COL6A3: variants seen among roughly 807,000 people sequenced by gnomAD.
COL6A3 encodes the protein collagen alpha-3(VI) chain.
In COL6A3, 137 loss-of-function variants were observed where a neutral mutation model predicts 274.1. The ratio of observed to expected loss-of-function variants is 0.50; its 90% CI spans 0.44 to 0.58. The LOEUF (loss-of-function observed/expected upper bound fraction) is 0.58. Among genes scored for constraint, COL6A3 ranks in the 20% least tolerant of loss-of-function variants. The pLI is 0.00. For synonymous variants in COL6A3, 1,650 were observed against 1,650.6 expected, an observed-to-expected ratio of 1.00 and a Z score of 0.01; for missense variants, 3,950 against 4,124.9, an observed-to-expected ratio of 0.96 and a Z score of 1.16.
chr2:237,336,328 G>A lies in COL6A3; in HGVS notation c.8772C>T (p.Ala2924=), dbSNP rs1559194418. 6.2e-7 allele frequency: 1 copy of A among 1,613,326 alleles called. No homozygotes were observed. Among genetic ancestry groups the A allele is most frequent in the Non-Finnish European group, 8.5e-7 (1 of 1,179,374 alleles). ...PAKPVAAKPV[A]TKMATVRPPV... ...GGGGTCTAACAGTGGCCATCTTTGTGGCCACAGGCTTGGCAGCCACAGGTT... is the reference window on the plus strand; with the variant it reads ...GGGGTCTAACAGTGGCCATCTTTGTAGCCACAGGCTTGGCAGCCACAGGTT... Residue 2924 remains alanine (A), a synonymous_variant, in exon 40 of 44, where the codon GCC becomes GCT. Coordinates refer to ENST00000295550, the MANE Select transcript of COL6A3 (RefSeq NM_004369.4).
chr2:237,378,616 C>T lies in COL6A3; in HGVS notation c.2497+20G>A, dbSNP rs775785172. On this transcript the variant is annotated intron_variant, in intron 6 of 43. Coordinates refer to ENST00000295550, the MANE Select transcript of COL6A3 (RefSeq NM_004369.4). Reference sequence around the variant, plus strand: ...TGTCTGAGGAAGGAGAGGGAGTTCCCGGCAACAGGGGAGGTTTACCTGGCT... The same window carrying T: ...TGTCTGAGGAAGGAGAGGGAGTTCCTGGCAACAGGGGAGGTTTACCTGGCT... The T allele has an allele frequency of 8.1e-6, 13 of 1,612,042 alleles. No homozygotes were observed. The highest frequency in any genetic ancestry group is 4.5e-5 in the East Asian group (2 of 44,902).
chr2:237,375,148 T>C, intron 7 of COL6A3, 128 bp from the exon 8 acceptor site: 1 of 1,382,068 alleles, frequency 7.2e-7, no homozygotes, highest in Non-Finnish European at 1.0e-6. Context: ...GAAAAGGACT[T>C]TGCAGATGTG....
At position 237,332,117 on chromosome 2, in the gene COL6A3, A is replaced by ATATATATATATATATATG. The variant is rs35490728; in HGVS notation, c.9328+1332_9328+1333insCATATATATATATATATA. ...TATATATATATATATATATATATAT[A>ATATATATATATATATATG]TGAAAAGAAAAACAAAACAGCCCAG... On this transcript the variant is annotated intron_variant, in intron 42 of 43. Coordinates refer to ENST00000295550, the MANE Select transcript of COL6A3 (RefSeq NM_004369.4). Among the ~76,000 whole-genome samples, 111 of 64,192 alleles carry ATATATATATATATATATG rather than the reference A, an allele frequency of 1.7e-3. 14 individuals carry two copies. The highest frequency in any genetic ancestry group is 2.3e-3 in the Non-Finnish European group (70 of 31,022). 42.1% of individuals were successfully genotyped at this position (64,192 alleles called of 152,430 possible).
intron 31 of COL6A3, among the ~76,000 whole-genome samples, 159 bp downstream of exon 31, chr2:237,347,648 T>C (rs2077123486): frequency 6.6e-6 from 1 of 152,252 alleles, no homozygotes; most frequent in Non-Finnish European, 1.5e-5. Flanking sequence ...GGTGGCACCC[T>C]GAGGACATTG....
chr2:237,370,234 G>A (rs954019188), intron 9 of COL6A3, among the ~76,000 whole-genome samples: 4 of 147,868 alleles, frequency 2.7e-5, no homozygotes, highest in African/African-American at 7.5e-5. Context: ...TTAAATAACT[G>A]GTTTAATTTT....
At chr2:237,326,336 A>G (rs1376853415) in intron 42 of COL6A3, 1 of 152,246 alleles carries the variant, frequency 6.6e-6, no homozygotes, top group African/African-American at 2.4e-5. Context: ...TAAAACAAAG[A>G]GCTAGCACTG....
intron 4 of COL6A3, among the ~76,000 whole-genome samples, chr2:237,386,771 G>A (rs2078153361): frequency 6.6e-6 from 1 of 152,154 alleles, no homozygotes; most frequent in Non-Finnish European, 1.5e-5. Flanking sequence ...CCTGACCTAG[G>A]TAATGAAATT....
At chr2:237,338,683 G>C (rs1700671832) in intron 39 of COL6A3, among the ~76,000 whole-genome samples, 1 of 152,176 alleles carries the variant, frequency 6.6e-6, no homozygotes, top group African/African-American at 2.4e-5. Flanking sequence ...CATGAGAATT[G>C]CTTGAATCCA....
rs1438910811 is a variant in COL6A3, at chr2:237,369,184, A to C, written c.4286-7T>G. ...GCAGCATCACTCTCAACTGCTGCAG[A>C]TCAAAGAAGAAAAAGGGAAACATTC... On this transcript the variant is annotated splice_polypyrimidine_tract_variant and splice_region_variant and intron_variant, in intron 9 of 43. Transcript: ENST00000295550. 6.2e-7 allele frequency: 1 copy of C among 1,607,904 alleles called. No homozygotes were observed. Among genetic ancestry groups the C allele is most frequent in the Non-Finnish European group, 8.5e-7 (1 of 1,179,990 alleles).
At chr2:237,373,226 G>A (rs1031411496) in intron 8 of COL6A3, among the ~76,000 whole-genome samples, 4 of 152,156 alleles carry the variant, frequency 2.6e-5, no homozygotes, top group South Asian at 2.1e-4. Flanking sequence ...AGCTGCACCC[G>A]CACTGTGACA....
intron 40 of COL6A3, among the ~76,000 whole-genome samples, chr2:237,335,494 A>C (rs1438897245): frequency 6.6e-6 from 1 of 152,184 alleles, no homozygotes; most frequent in African/African-American, 2.4e-5. Context: ...GGTTTTTGCC[A>C]TTGCTTTCAA....
At chr2:237,377,434 G>A in intron 6 of COL6A3, 90 bp from the exon 7 acceptor site, 1 of 1,323,846 alleles carries the variant, frequency 7.6e-7, no homozygotes, top group South Asian at 1.2e-5. Flanking sequence ...GACAACAGGA[G>A]TTGGTGAAAC....
rs1435220727 is a variant in COL6A3 at position 237,344,181 on chromosome 2, C to T, written c.7668+169G>A. The T allele has an allele frequency of 2.8e-5, 27 of 974,140 alleles. No homozygotes were observed. Among genetic ancestry groups the T allele is most frequent in the East Asian group, 7.1e-5 (3 of 41,998 alleles). 60.3% of individuals were successfully genotyped at this position (974,140 alleles called of 1,614,324 possible). The stretch of plus-strand genomic sequence containing the variant: ...AGGCGTCCCTGTAGTGCTGGAGCCA[C>T]GAGGTTGTCCTGGAGACCTCACAAG... On this transcript the variant is annotated intron_variant, in intron 36 of 43. Coordinates refer to ENST00000295550, the MANE Select transcript of COL6A3 (RefSeq NM_004369.4). This position sits in a 1 kb window ranked among gnomAD's most constrained non-coding sequence, Gnocchi z 4.8.
In COL6A3 at chr2:237,387,640, G is replaced by A. The variant is rs2078178306; in HGVS notation, c.1254C>T (p.Tyr418=). The A allele has an allele frequency of 6.2e-7, 1 of 1,613,856 alleles. No individual in the cohort carries two copies. The highest frequency in any genetic ancestry group is 8.5e-7 in the Non-Finnish European group (1 of 1,179,894). Residue 418 remains tyrosine, a synonymous_variant, in exon 4 of 44, where the codon TAC becomes TAT. Transcript: ENST00000295550. ...FGDLQEKLLP[Y]IVGVAQRHIV... is the part of the protein sequence containing the mutation. Reference sequence around the variant, plus strand: ...TGTGCCTTTGGGCCACGCCAACAATGTACGGCAGTAATTTCTCCTGGAGGT... The same window carrying A: ...TGTGCCTTTGGGCCACGCCAACAATATACGGCAGTAATTTCTCCTGGAGGT...
Position 237,334,749 on chromosome 2 carries a change from G to C in COL6A3, c.9106C>G (p.Gln3036Glu). ...SAHDQSLVLK[Q>E]NLTVTDRVIG... ...ACGCGGTCCGTGACCGTGAGGTTCT[G>C]CTTCAGAACCAGGGACTGATCATGG... Residue 3036 changes from glutamine to glutamate, a missense_variant, in exon 41 of 44, where the codon CAG (glutamine) becomes GAG (glutamate). Transcript: ENST00000295550. 6.2e-7 allele frequency: 1 copy of C among 1,614,148 alleles called. No homozygotes were observed. Among genetic ancestry groups the C allele is most frequent in the Non-Finnish European group, 8.5e-7 (1 of 1,180,036 alleles).
At position 237,387,828 on chromosome 2, in the gene COL6A3, C is replaced by T. The variant is rs200795795; in HGVS notation, c.1066G>A (p.Gly356Arg). 10 of 1,614,144 alleles carry T rather than the reference C, an allele frequency of 6.2e-6. No homozygotes were observed. Among genetic ancestry groups the T allele is most frequent in the East Asian group, 2.2e-5 (1 of 44,878 alleles). The change falls in exon 4 of 44, where the codon GGG becomes AGG. Residue 356 changes from glycine (G) to arginine (R), a missense_variant. This residue lies in a region of COL6A3 where 1,934 missense variants were observed against 1,984.3 expected (regional missense o/e 0.97). Transcript: ENST00000295550. ...TAGCGAATCTCGTCACTAGAAGGCC[C>T]GGCACTTATGAGGACCAGCACCTGG... ...VPQVLVLISA[G>R]PSSDEIRYGV... is the part of the protein sequence containing the mutation.
intron 6 of COL6A3, among the ~76,000 whole-genome samples, chr2:237,377,643 A>G (rs1218574121): frequency 6.6e-6 from 1 of 152,246 alleles, no homozygotes; most frequent in African/African-American, 2.4e-5. Flanking sequence ...TCAGGTGGCA[A>G]TCGCTCCAGG....
At chr2:237,412,990 C>T (rs1008004265) in intron 1 of COL6A3, among the ~76,000 whole-genome samples, 1 of 152,180 alleles carries the variant, frequency 6.6e-6, no homozygotes, top group African/African-American at 2.4e-5. Flanking sequence ...CTCCCTAGTC[C>T]CTCCCAGTGA....
At chr2:237,370,363 C>T (rs540421227) in intron 9 of COL6A3, among the ~76,000 whole-genome samples, 5 of 151,946 alleles carry the variant, frequency 3.3e-5, no homozygotes, top group East Asian at 3.9e-4. Flanking sequence ...CTCAGCCTCC[C>T]GAGTAGCTGG....
Sources: allele counts gnomAD v4.1 joint callset (sites outside exome capture counted in the v4.1 genomes callset), GRCh38; gene constraint gnomAD v4.1.1; regional missense constraint gnomAD v4.1.1; non-coding constraint Gnocchi (gnomAD v3.1); transcripts MANE v1.5; gene names NCBI Gene and HGNC (gene_info 2026-07-23, HGNC 2026-07-21).